Variants in COLEC11 observed in about 807,000 individuals in gnomAD.
COLEC11 encodes collectin subfamily member 11.
In COLEC11, 20 loss-of-function variants were observed where a neutral mutation model predicts 27.3. That is an observed-to-expected ratio of 0.73 (90% CI 0.51 to 1.06). The LOEUF is 1.06. Ranked by LOEUF, COLEC11 falls within the 50% of genes least tolerant of loss-of-function variation. COLEC11 has a pLI of 0.00. For synonymous variants in COLEC11, 163 were observed against 154.7 expected (o/e 1.05, Z -0.40); for missense variants, 310 against 383.0 (o/e 0.81, Z 1.59).
chr2:3,641,270 C>T (rs913517787), intron 5 of COLEC11: 29 of 1,304,100 alleles, frequency 2.2e-5, no homozygotes, highest in Middle Eastern at 2.2e-4. Context: ...TGAGGAGGAA[C>T]GGCTGCTTGG....
At chr2:3,604,226 C>A in intron 1 of COLEC11, 89 bp from the exon 2 acceptor site, 2 of 1,456,540 alleles carry the variant, frequency 1.4e-6, no homozygotes, top group Non-Finnish European at 1.9e-6. Flanking sequence ...ACCAGGAGGG[C>A]TACACCCCTT....
intron 3 of COLEC11, among the ~76,000 whole-genome samples, chr2:3,633,654 C>T (rs955037906): frequency 6.6e-6 from 1 of 152,100 alleles, no homozygotes; most frequent in Non-Finnish European, 1.5e-5. Flanking sequence ...GGCGTGAAGA[C>T]GTGGAGGGGG....
chr2:3,603,672 A>T, intron 1 of COLEC11: 1 of 1,550,756 alleles, frequency 6.4e-7, no homozygotes, highest in Non-Finnish European at 8.7e-7. Flanking sequence ...GTCAGCACGT[A>T]CCCGCCCCTC....
intron 2 of COLEC11, among the ~76,000 whole-genome samples, chr2:3,607,226 A>G (rs918162514): frequency 2.0e-5 from 3 of 152,176 alleles, no homozygotes; most frequent in Non-Finnish European, 2.9e-5. Context: ...AGGCCATTTC[A>G]GATAATAATA....
Position 3,602,911 on chromosome 2 carries a change from CT to C in COLEC11, c.-26-1403del, listed in dbSNP as rs1179984481. Among the ~76,000 whole-genome samples the C allele has an allele frequency of 6.6e-6, 1 of 152,248 alleles. No individual in the cohort carries two copies. The highest frequency in any genetic ancestry group is 1.5e-5 in the Non-Finnish European group (1 of 68,048). ...TCACTCTTCCCCACGGCGCTTACCC[CT>C]GCCTCTGTCTGTCTCTGTCTGTCTG... On this transcript the variant is annotated intron_variant, in intron 1 of 6. Coordinates refer to ENST00000349077, the MANE Select transcript of COLEC11 (RefSeq NM_024027.5). The surrounding 1 kb of genome is among the most constrained non-coding windows in gnomAD (Gnocchi z 6.2).
chr2:3,628,692 G>A (rs1664749740), intron 3 of COLEC11, among the ~76,000 whole-genome samples: 2 of 152,246 alleles, frequency 1.3e-5, no homozygotes, highest in South Asian at 2.1e-4. Context: ...ATGGCCCAGA[G>A]AAAGCCCAGC....
At chr2:3,599,103 C>T (rs1376955859) in intron 1 of COLEC11, among the ~76,000 whole-genome samples, 1 of 152,156 alleles carries the variant, frequency 6.6e-6, no homozygotes, top group Non-Finnish European at 1.5e-5. Flanking sequence ...CCCACCCTCA[C>T]CACACACTGG....
chr2:3,610,430 T>A (rs1663097574), intron 2 of COLEC11, among the ~76,000 whole-genome samples: 1 of 152,192 alleles, frequency 6.6e-6, no homozygotes, highest in Non-Finnish European at 1.5e-5. Flanking sequence ...TGGAGCTGTG[T>A]CTTCTCAGAG....
chr2:3,642,167 C>T (rs927808096), intron 5 of COLEC11, among the ~76,000 whole-genome samples: 4 of 152,218 alleles, frequency 2.6e-5, no homozygotes, highest in African/African-American at 9.6e-5. Context: ...GTCTGCGAGG[C>T]ATCAGAGGGA....
intron 3 of COLEC11, among the ~76,000 whole-genome samples, chr2:3,623,659 A>T (rs72769334): frequency 0.073 from 11,052 of 150,794 alleles, 553 homozygotes; most frequent in Middle Eastern, 0.14. Flanking sequence ...TCTTTTTTTA[A>T]AAAAAAATCT....
intron 2 of COLEC11, among the ~76,000 whole-genome samples, chr2:3,607,335 T>TA (rs1355469823): frequency 1.2e-4 from 18 of 152,116 alleles, no homozygotes; most frequent in East Asian, 5.8e-4. Flanking sequence ...TTTTAATGGT[T>TA]AAAAAAATGG....
At position 3,637,050 on chromosome 2, in the gene COLEC11, C is replaced by T. The variant is rs75534844; in HGVS notation, c.203-483C>T. On this transcript the variant is annotated intron_variant, in intron 3 of 6. Coordinates refer to ENST00000349077, the MANE Select transcript of COLEC11 (RefSeq NM_024027.5). ...CCTCCCTGGCTCAAGTTCACACACC[C>T]GAGAGGAGCCAGGGGCTTTTCCACC... Among the ~76,000 whole-genome samples the T allele has an allele frequency of 2.4e-3, 363 of 152,244 alleles. 1 individual carries two copies. The East Asian group carries it at 0.033, about 14-fold the overall frequency.
In COLEC11 at chr2:3,602,697, C is replaced by T. The variant is rs188987776; in HGVS notation, c.-26-1618C>T. Among the ~76,000 whole-genome samples, 10 of 152,316 alleles carry T rather than the reference C, an allele frequency of 6.6e-5. No individual in the cohort carries two copies. The highest frequency in any genetic ancestry group is 1.3e-4 in the Non-Finnish European group (9 of 68,026). On this transcript the variant is annotated intron_variant, in intron 1 of 6. Transcript: ENST00000349077. This position sits in a 1 kb window ranked among gnomAD's most constrained non-coding sequence, Gnocchi z 6.2. ...ACCCTCTGTCTCATACAGAGCAACCCCCAAAGCTGCTGGGCGCCGGCTCCT... is the reference window on the plus strand; with the variant it reads ...ACCCTCTGTCTCATACAGAGCAACCTCCAAAGCTGCTGGGCGCCGGCTCCT...
intron 5 of COLEC11, chr2:3,641,186 C>T (rs1665834026): frequency 3.9e-6 from 5 of 1,290,166 alleles, no homozygotes; most frequent in Non-Finnish European, 5.1e-6. Flanking sequence ...CTCTTGGATA[C>T]CAGGGAGAAA....
intron 3 of COLEC11, among the ~76,000 whole-genome samples, chr2:3,630,320 A>G (rs1459908396): frequency 6.6e-6 from 1 of 152,230 alleles, no homozygotes; most frequent in Admixed American, 6.5e-5. Context: ...AGGGGACTTC[A>G]AAAAGTTTGT....
At chr2:3,606,381 C>G in intron 2 of COLEC11, 1 of 754,962 alleles carries the variant, frequency 1.3e-6, no homozygotes, top group South Asian at 1.7e-5. Flanking sequence ...TCATTTCCCA[C>G]ATGGGTAGGG....
At chr2:3,605,137 C>A in intron 2 of COLEC11, 1 of 465,760 alleles carries the variant, frequency 2.1e-6, no homozygotes, top group South Asian at 1.6e-5. Context: ...GGTCCCCAAG[C>A]CTGGGGGAGC....
rs778677717 is a variant in COLEC11 at position 3,643,462 on chromosome 2, G to A, written c.347G>A (p.Ser116Asn). Residue 116 changes from serine (S) to asparagine (N), a missense_variant, in exon 6 of 7, where the codon AGC becomes AAC. By Grantham distance (46) the Ser-to-Asn change is conservative. Transcript: ENST00000349077. ...NGEPGLPCEC[S>N]QLRKAIGEMD... ...CCCGCAGGCCTCCCATGTGAGTGCAGCCAGCTGCGCAAGGCCATCGGGGAG... is the reference window on the plus strand; with the variant it reads ...CCCGCAGGCCTCCCATGTGAGTGCAACCAGCTGCGCAAGGCCATCGGGGAG... 3.1e-6 allele frequency: 5 copies of A among 1,613,786 alleles called. No homozygotes were observed. Among genetic ancestry groups the A allele is most frequent in the Non-Finnish European group, 3.4e-6 (4 of 1,180,002 alleles).
At chr2:3,597,773 G>C (rs750968533) in intron 1 of COLEC11, among the ~76,000 whole-genome samples, 3 of 152,108 alleles carry the variant, frequency 2.0e-5, no homozygotes, top group Non-Finnish European at 4.4e-5. Flanking sequence ...GTTTACTATT[G>C]CTTTCAGAAG....
Sources: gnomAD v4.1 joint callset for allele counts (sites outside exome capture counted in the v4.1 genomes callset) on GRCh38, gnomAD v4.1.1 for gene constraint, Gnocchi (gnomAD v3.1) non-coding constraint, MANE v1.5 for transcripts, NCBI Gene and HGNC (gene_info 2026-07-23, HGNC 2026-07-21) for gene names.